Variants in PBX1 observed in about 807,000 individuals in gnomAD.
PBX1 encodes the protein pre-B-cell leukemia transcription factor 1.
In PBX1, 6 loss-of-function variants were observed where a neutral mutation model predicts 53.4. That is an observed-to-expected ratio of 0.11 (90% CI 0.06 to 0.22). The LOEUF is 0.22. PBX1 is among the 10% of genes least tolerant of loss of function. The pLI is 1.00. For missense variants in PBX1, 251 were observed against 551.4 expected, an observed-to-expected ratio of 0.46 and a Z score of 5.46; for synonymous variants, 204 against 212.3, an observed-to-expected ratio of 0.96 and a Z score of 0.34.
chr1:164,742,477 G>T (rs1284161019), intron 2 of PBX1, among the ~76,000 whole-genome samples: 1 of 152,122 alleles, frequency 6.6e-6, no homozygotes, highest in Non-Finnish European at 1.5e-5. Context: ...GGGAGGCAAA[G>T]GTTGCAGTGA....
chr1:164,873,004 A>G (rs1045412678), intron 2 of PBX1, among the ~76,000 whole-genome samples: 2 of 152,188 alleles, frequency 1.3e-5, no homozygotes, highest in African/African-American at 4.8e-5. Flanking sequence ...AGAATATTTC[A>G]TTGTCCTTTC....
chr1:164,816,311 A>G (rs1381421935), intron 6 of PBX1: 4 of 152,184 alleles, frequency 2.6e-5, no homozygotes, highest in African/African-American at 9.7e-5. Flanking sequence ...CATGGGACAT[A>G]ATTTAAGCTT....
intron 2 of PBX1, among the ~76,000 whole-genome samples, chr1:164,599,246 T>A (rs186418639): frequency 0.062 from 9,454 of 151,804 alleles, 371 homozygotes; most frequent in Middle Eastern, 0.099. Context: ...TTCTTTTTTT[T>A]TAAAATTAAT....
At chr1:164,727,918 C>T (rs2102127494) in intron 2 of PBX1, among the ~76,000 whole-genome samples, 1 of 152,298 alleles carries the variant, frequency 6.6e-6, no homozygotes, top group African/African-American at 2.4e-5. Context: ...GACTTGTCTA[C>T]ATTTGTGTGC....
intron 2 of PBX1, among the ~76,000 whole-genome samples, chr1:164,755,869 G>T (rs754097029): frequency 6.6e-6 from 1 of 151,940 alleles, no homozygotes; most frequent in African/African-American, 2.4e-5. Context: ...CTGATAAGCT[G>T]CCAACATGGC....
intron 2 of PBX1, among the ~76,000 whole-genome samples, chr1:164,786,894 C>T (rs535005632): frequency 1.3e-5 from 2 of 152,114 alleles, no homozygotes; most frequent in East Asian, 3.9e-4. Flanking sequence ...ATGTGCTTTG[C>T]CTTTATAATC....
intron 2 of PBX1, among the ~76,000 whole-genome samples, chr1:164,574,839 G>T (rs1219639368): frequency 6.6e-6 from 1 of 152,156 alleles, no homozygotes; most frequent in Non-Finnish European, 1.5e-5. Flanking sequence ...AAAATTAGCT[G>T]GGTGTGGTGG....
intron 2 of PBX1, among the ~76,000 whole-genome samples, chr1:164,761,735 G>A (rs1004027303): frequency 3.9e-5 from 6 of 152,100 alleles, no homozygotes; most frequent in Non-Finnish European, 7.3e-5. Flanking sequence ...GAGCCACCGC[G>A]CCCGGCCCAT....
At chr1:164,845,154 T>C (rs907433575) in intron 8 of PBX1, among the ~76,000 whole-genome samples, 2 of 152,158 alleles carry the variant, frequency 1.3e-5, no homozygotes, top group African/African-American at 4.8e-5. Flanking sequence ...CTGGCTTTCC[T>C]GGGAAAATTG....
At chr1:164,881,690 A>G (rs1028756308) in intron 2 of PBX1, among the ~76,000 whole-genome samples, 2 of 151,416 alleles carry the variant, frequency 1.3e-5, no homozygotes, top group African/African-American at 4.9e-5. Context: ...AGTTCCAAAG[A>G]CACTACATTT....
chr1:164,782,828 A>G, intron 2 of PBX1, among the ~76,000 whole-genome samples: 1 of 152,164 alleles, frequency 6.6e-6, no homozygotes, highest in East Asian at 1.9e-4. Flanking sequence ...TCGTTGTAAT[A>G]TTTCACCCAT....
chr1:164,721,184 A>G (rs909452253), intron 2 of PBX1, among the ~76,000 whole-genome samples: 3 of 152,234 alleles, frequency 2.0e-5, no homozygotes, highest in African/African-American at 7.2e-5. Flanking sequence ...TCTTGGCATC[A>G]TCATGCAGGG....
chr1:164,876,412 G>A (rs1258095672), intron 2 of PBX1, among the ~76,000 whole-genome samples: 2 of 149,496 alleles, frequency 1.3e-5, no homozygotes, highest in Non-Finnish European at 3.0e-5. Flanking sequence ...ACAATTAGCA[G>A]AGGAGAGGGA....
chr1:164,642,885 AG>A (rs1255686929), intron 2 of PBX1: 1 of 152,164 alleles, frequency 6.6e-6, no homozygotes, highest in Admixed American at 6.5e-5. Context: ...ATGAAAGGAT[AG>A]AGAAGCTGGC....
intron 3 of PBX1, among the ~76,000 whole-genome samples, chr1:164,794,406 G>GA (rs1178781825): frequency 6.6e-6 from 1 of 152,188 alleles, no homozygotes; most frequent in Non-Finnish European, 1.5e-5. Context: ...TATGAGGGCA[G>GA]AAAAATTGCT....
intron 2 of PBX1, among the ~76,000 whole-genome samples, chr1:164,759,983 G>A (rs1305603509): frequency 1.3e-5 from 2 of 152,190 alleles, no homozygotes; most frequent in Non-Finnish European, 2.9e-5. Flanking sequence ...GCTCTGTAGA[G>A]GTAGTGGCCT....
At chr1:164,686,101 G>A (rs374416379) in intron 2 of PBX1, among the ~76,000 whole-genome samples, 51 of 152,294 alleles carry the variant, frequency 3.3e-4, no homozygotes, top group African/African-American at 1.1e-3. Context: ...CTATTAAGGG[G>A]AGAGCTACCT....
At chr1:164,845,001 T>C (rs1671498700) in intron 8 of PBX1, among the ~76,000 whole-genome samples, 1 of 152,162 alleles carries the variant, frequency 6.6e-6, no homozygotes. Flanking sequence ...AGAGCAGTTA[T>C]TTGCTGACCC....
chr1:164,778,689 T>C (rs1018083617), intron 2 of PBX1, among the ~76,000 whole-genome samples: 1 of 151,040 alleles, frequency 6.6e-6, no homozygotes, highest in African/African-American at 2.4e-5. Flanking sequence ...GAAAACTACA[T>C]GTGTGTCGTT....
Sources: gnomAD v4.1 joint callset for allele counts (sites outside exome capture counted in the v4.1 genomes callset) on GRCh38, gnomAD v4.1.1 for gene constraint, MANE v1.5 for transcripts, NCBI Gene and HGNC (gene_info 2026-07-23, HGNC 2026-07-21) for gene names.